KCNIP4: variants seen among roughly 807,000 people sequenced by gnomAD.
KCNIP4 encodes the protein potassium voltage-gated channel interacting protein 4.
In KCNIP4, 12 loss-of-function variants were observed where a neutral mutation model predicts 34.0. The ratio of observed to expected loss-of-function variants is 0.35; its 90% CI spans 0.23 to 0.57. The LOEUF is 0.57. KCNIP4 is among the 20% of genes least tolerant of loss of function. KCNIP4 has a pLI of 0.83. For synonymous variants in KCNIP4, 124 were observed against 102.2 expected (o/e 1.21, Z -1.29); for missense variants, 238 against 311.7 (o/e 0.76, Z 1.78).
At chr4:21,026,408 C>G (rs187959897) in intron 1 of KCNIP4, among the ~76,000 whole-genome samples, 1 of 152,164 alleles carries the variant, frequency 6.6e-6, no homozygotes, top group Non-Finnish European at 1.5e-5. Context: ...AATCCCAGCA[C>G]TTTGGGAGGC....
chr4:21,228,007 T>C (rs1197097755), intron 1 of KCNIP4, among the ~76,000 whole-genome samples: 2 of 152,212 alleles, frequency 1.3e-5, no homozygotes, highest in South Asian at 2.1e-4. Flanking sequence ...ATAACACTTA[T>C]GTGTACTGCA....
At chr4:21,501,941 A>G (rs917280296) in intron 1 of KCNIP4, among the ~76,000 whole-genome samples, 2 of 151,702 alleles carry the variant, frequency 1.3e-5, no homozygotes, top group African/African-American at 4.8e-5. Context: ...CTGGATGAAT[A>G]CATACATAGA....
intron 1 of KCNIP4, among the ~76,000 whole-genome samples, chr4:21,942,483 G>C (rs989902733): frequency 2.0e-5 from 3 of 152,164 alleles, no homozygotes; most frequent in African/African-American, 7.2e-5. Context: ...CATCTATTAA[G>C]CTCTTTTTCA....
intron 1 of KCNIP4, among the ~76,000 whole-genome samples, chr4:20,949,458 C>T (rs1732539684): frequency 6.6e-6 from 1 of 152,152 alleles, no homozygotes; most frequent in South Asian, 2.1e-4. Context: ...GGCGATTCCT[C>T]AGGGATCTAG....
chr4:21,422,072 A>G (rs1415148804), intron 1 of KCNIP4, among the ~76,000 whole-genome samples: 1 of 152,120 alleles, frequency 6.6e-6, no homozygotes, highest in East Asian at 1.9e-4. Flanking sequence ...AGAGAAAGAG[A>G]TGATATTTAG....
In KCNIP4 at chr4:21,361,701, T is replaced by TC. The variant is rs543536318; in HGVS notation, c.62-478993dup. Among the ~76,000 whole-genome samples the TC allele has an allele frequency of 3.5e-3, 526 of 150,666 alleles. 1 individual carries two copies. The highest frequency in any genetic ancestry group is 0.012 in the African/African-American group (493 of 41,168). On this transcript the variant is annotated intron_variant, in intron 1 of 8. Transcript: ENST00000382152. The stretch of plus-strand genomic sequence containing the variant: ...TTTTTTTTTCATTCTCCTTTTTTTT[T>TC]CCCATAGCAACTAAATCAATTCCAA...
intron 1 of KCNIP4, among the ~76,000 whole-genome samples, chr4:21,402,826 A>G (rs1370325700): frequency 6.6e-6 from 1 of 152,032 alleles, no homozygotes; most frequent in Non-Finnish European, 1.5e-5. Context: ...TTCCCTCTTC[A>G]CTGGATTATT....
chr4:20,768,553 C>G (rs1399111339), intron 3 of KCNIP4, among the ~76,000 whole-genome samples: 1 of 152,188 alleles, frequency 6.6e-6, no homozygotes, highest in Non-Finnish European at 1.5e-5. Flanking sequence ...AATTTCTGTT[C>G]TAATATGCCC....
chr4:21,757,214 A>G (rs59880573), intron 1 of KCNIP4, among the ~76,000 whole-genome samples: 254 of 23,644 alleles, frequency 0.011, 2 homozygotes, highest in Admixed American at 0.03. Context: ...AAAGAAAGAA[A>G]GAAAGAAAGA....
intron 1 of KCNIP4, among the ~76,000 whole-genome samples, chr4:21,750,923 G>A (rs745711554): frequency 2.6e-5 from 4 of 152,102 alleles, no homozygotes; most frequent in African/African-American, 4.8e-5. Flanking sequence ...TGGGTTTGCC[G>A]CACCTCCTAG....
At chr4:21,467,746 G>A (rs1363289055) in intron 1 of KCNIP4, among the ~76,000 whole-genome samples, 1 of 152,124 alleles carries the variant, frequency 6.6e-6, no homozygotes, top group Non-Finnish European at 1.5e-5. Context: ...AGAGCATGGT[G>A]TTTTCTGAAA....
At chr4:21,408,475 G>C (rs1724200317) in intron 1 of KCNIP4, among the ~76,000 whole-genome samples, 1 of 152,278 alleles carries the variant, frequency 6.6e-6, no homozygotes, top group East Asian at 1.9e-4. Context: ...GTTTCAGAAG[G>C]AGAAAAAGAG....
In KCNIP4 at chr4:21,082,060, T is replaced by C. The variant is rs148917195; in HGVS notation, c.62-199351A>G. On this transcript the variant is annotated intron_variant, in intron 1 of 8. Coordinates refer to ENST00000382152, the MANE Select transcript of KCNIP4 (RefSeq NM_025221.6). ...TCGCAGAAAAGAGGTCTATTCTTTT[T>C]AGTGGATATGAATTGATCCTGCTAA... Among the ~76,000 whole-genome samples, 1,217 of 152,058 alleles carry C rather than the reference T, an allele frequency of 8.0e-3. 9 individuals are homozygous for C. The highest frequency in any genetic ancestry group is 0.013 in the Non-Finnish European group (859 of 67,978).
chr4:21,020,229 A>G (rs1006706184), intron 1 of KCNIP4, among the ~76,000 whole-genome samples: 2 of 152,140 alleles, frequency 1.3e-5, no homozygotes, highest in African/African-American at 4.8e-5. Flanking sequence ...TCAAAAGAAC[A>G]TATTTTCTAC....
chr4:21,503,594 T>C (rs76325173), intron 1 of KCNIP4, among the ~76,000 whole-genome samples: 23,372 of 152,184 alleles, frequency 0.15, 2,246 homozygotes, highest in East Asian at 0.52. Context: ...GGGATCTTTT[T>C]TTTTCTTTTC....
At chr4:21,459,590 A>G (rs1055746675) in intron 1 of KCNIP4, among the ~76,000 whole-genome samples, 2 of 151,942 alleles carry the variant, frequency 1.3e-5, no homozygotes, top group Non-Finnish European at 2.9e-5. Context: ...CATACATCCA[A>G]TTGCCTGCTT....
At chr4:21,626,867 T>A (rs1189776480) in intron 1 of KCNIP4, among the ~76,000 whole-genome samples, 1 of 151,222 alleles carries the variant, frequency 6.6e-6, no homozygotes, top group Non-Finnish European at 1.5e-5. Context: ...TGAGTTCCAT[T>A]TTTTTTTTCC....
intron 1 of KCNIP4, among the ~76,000 whole-genome samples, chr4:21,175,391 A>C (rs1010250261): frequency 2.0e-5 from 3 of 152,106 alleles, no homozygotes; most frequent in African/African-American, 7.2e-5. Flanking sequence ...AATGCCTGAA[A>C]CCACAGATAG....
chr4:21,276,251 T>A (rs1762428948), intron 1 of KCNIP4, among the ~76,000 whole-genome samples: 2 of 152,234 alleles, frequency 1.3e-5, no homozygotes, highest in Non-Finnish European at 2.9e-5. Context: ...TGCTGACACC[T>A]TGGTTCCAGA....
Sources: gnomAD v4.1 joint callset for allele counts (sites outside exome capture counted in the v4.1 genomes callset) on GRCh38, gnomAD v4.1.1 for gene constraint, MANE v1.5 for transcripts, NCBI Gene and HGNC (gene_info 2026-07-23, HGNC 2026-07-21) for gene names.